LUZP2: variants seen among roughly 807,000 people sequenced by gnomAD.
LUZP2 encodes the protein leucine zipper protein 2.
LUZP2 carries 52 observed loss-of-function variants against 51.6 expected under a neutral mutation model. That is an observed-to-expected ratio of 1.01 (90% CI 0.81 to 1.27). The LOEUF is 1.27. Ranked by LOEUF, LUZP2 falls within the 50% of genes most tolerant of loss-of-function variation. LUZP2 has a pLI of 0.00. For synonymous variants in LUZP2, 154 were observed against 137.3 expected (o/e 1.12, Z -0.85); for missense variants, 436 against 395.4 (o/e 1.10, Z -0.87).
chr11:24,827,977 G>T lies in LUZP2; in HGVS notation c.396+64669G>T, dbSNP rs1052395624. 1.4e-3 allele frequency among the ~76,000 whole-genome samples: 206 copies of T among 152,014 alleles called. 1 individual carries two copies. The highest frequency in any genetic ancestry group is 4.8e-3 in the African/African-American group (201 of 41,474). On this transcript the variant is annotated intron_variant, in intron 5 of 11. Transcript: ENST00000336930. The stretch of plus-strand genomic sequence containing the variant: ...CCAAGCTGAATGACATTTAGAGTTT[G>T]CTGTAGGTCTGCAACTTACAGATTT...
chr11:24,783,752 TG>T (rs1476770459), intron 5 of LUZP2, among the ~76,000 whole-genome samples: 4 of 152,006 alleles, frequency 2.6e-5, no homozygotes, highest in Admixed American at 6.6e-5. Context: ...GTTATCACAC[TG>T]CAATGCATTT....
chr11:24,703,315 A>G (rs898137542), intron 1 of LUZP2, among the ~76,000 whole-genome samples: 2 of 152,148 alleles, frequency 1.3e-5, no homozygotes, highest in African/African-American at 4.8e-5. Context: ...CTGTGCATAT[A>G]TTATGGGTGG....
chr11:25,062,366 C>T (rs867730652), intron 10 of LUZP2, among the ~76,000 whole-genome samples: 25 of 151,076 alleles, frequency 1.7e-4, no homozygotes, highest in African/African-American at 5.8e-4. Context: ...AGGCAGATCA[C>T]TTGAGTTCAG....
chr11:24,603,575 G>A (rs1215945676), intron 1 of LUZP2, among the ~76,000 whole-genome samples: 1 of 146,532 alleles, frequency 6.8e-6, no homozygotes, highest in African/African-American at 2.4e-5. Flanking sequence ...TTATAAAATG[G>A]TACAGATATA....
At chr11:24,835,896 G>T (rs992815353) in intron 5 of LUZP2, among the ~76,000 whole-genome samples, 13 of 151,706 alleles carry the variant, frequency 8.6e-5, no homozygotes, top group Non-Finnish European at 1.6e-4. Context: ...TTTTCTGTTT[G>T]TCAAGCAGTT....
chr11:24,565,070 C>T (rs923092621), intron 1 of LUZP2, among the ~76,000 whole-genome samples: 2 of 152,074 alleles, frequency 1.3e-5, no homozygotes, highest in East Asian at 3.9e-4. Context: ...TGTGCTCTAT[C>T]CTTAGTGAAT....
intron 5 of LUZP2, among the ~76,000 whole-genome samples, chr11:24,829,086 TC>T (rs1850622627): frequency 6.6e-6 from 1 of 152,180 alleles, no homozygotes; most frequent in Non-Finnish European, 1.5e-5. Flanking sequence ...GAAGAAAAGC[TC>T]TGCTGCCAAC....
In LUZP2 at chr11:24,958,021, G is replaced by A. The variant is rs545490719; in HGVS notation, c.523-18570G>A. Among the ~76,000 whole-genome samples the A allele has an allele frequency of 1.7e-3, 254 of 152,170 alleles. 1 individual carries two copies. The highest frequency in any genetic ancestry group is 6.0e-3 in the African/African-American group (248 of 41,510). On this transcript the variant is annotated intron_variant, in intron 7 of 11. Coordinates refer to ENST00000336930, the MANE Select transcript of LUZP2 (RefSeq NM_001009909.4). ...GCGATGTTTGGTTTTTTGTTCTTGCGATAGTTTACTGAGAATGATGATTTC... is the reference window on the plus strand; with the variant it reads ...GCGATGTTTGGTTTTTTGTTCTTGCAATAGTTTACTGAGAATGATGATTTC...
chr11:24,992,032 G>A lies in LUZP2; in HGVS notation c.765+8739G>A, dbSNP rs937887525. Among the ~76,000 whole-genome samples, 8 of 152,094 alleles carry A rather than the reference G, an allele frequency of 5.3e-5. No homozygotes were observed. The South Asian group carries it at 8.3e-4, about 16-fold the overall frequency. On this transcript the variant is annotated intron_variant, in intron 9 of 11. Coordinates refer to ENST00000336930, the MANE Select transcript of LUZP2 (RefSeq NM_001009909.4). ...ACTTTGTGAGTTGTCTGTATACTCTGCTGACTGTTCCTTTTGTGGTGCAAA... is the reference window on the plus strand; with the variant it reads ...ACTTTGTGAGTTGTCTGTATACTCTACTGACTGTTCCTTTTGTGGTGCAAA...
chr11:24,685,397 CTCATCTCTTACCTCT>C (rs921463067), intron 1 of LUZP2, among the ~76,000 whole-genome samples: 15 of 152,088 alleles, frequency 9.9e-5, no homozygotes, highest in Admixed American at 6.6e-5. Context: ...ACTATCTCTT[CTCATCTCTTACCTCT>C]ACCCCACATA....
At chr11:24,921,532 T>C (rs979810937) in intron 7 of LUZP2, among the ~76,000 whole-genome samples, 1 of 152,190 alleles carries the variant, frequency 6.6e-6, no homozygotes, top group East Asian at 1.9e-4. Flanking sequence ...CGCCGGCATG[T>C]GCGTATTACA....
At chr11:24,901,588 G>A (rs781707183) in intron 5 of LUZP2, among the ~76,000 whole-genome samples, 1 of 152,076 alleles carries the variant, frequency 6.6e-6, no homozygotes, top group Non-Finnish European at 1.5e-5. Flanking sequence ...CTCTGAGTTC[G>A]CTCTTCAAAT....
At chr11:24,702,231 A>T (rs1243372244) in intron 1 of LUZP2, among the ~76,000 whole-genome samples, 1 of 152,222 alleles carries the variant, frequency 6.6e-6, no homozygotes, top group Non-Finnish European at 1.5e-5. Flanking sequence ...TTAACCAGGA[A>T]AATCACTGGA....
chr11:24,912,687 G>A (rs1455686940), intron 6 of LUZP2, among the ~76,000 whole-genome samples: 1 of 152,088 alleles, frequency 6.6e-6, no homozygotes, highest in Non-Finnish European at 1.5e-5. Flanking sequence ...GTGTGCGCCT[G>A]TAGTCCCAGC....
chr11:24,706,532 C>T (rs1424594741), intron 1 of LUZP2, among the ~76,000 whole-genome samples: 3 of 152,124 alleles, frequency 2.0e-5, no homozygotes, highest in African/African-American at 4.8e-5. Context: ...TCTTCCTGTG[C>T]GGCCTTCTCT....
chr11:24,895,568 G>T (rs1286209796), intron 5 of LUZP2, among the ~76,000 whole-genome samples: 1 of 152,086 alleles, frequency 6.6e-6, no homozygotes, highest in African/African-American at 2.4e-5. Flanking sequence ...GTATATCCAT[G>T]AGTACACAAT....
At chr11:24,551,932 C>G (rs1851736863) in intron 1 of LUZP2, among the ~76,000 whole-genome samples, 1 of 151,998 alleles carries the variant, frequency 6.6e-6, no homozygotes, top group Non-Finnish European at 1.5e-5. Flanking sequence ...CATACACACA[C>G]ACAAACAGAA....
chr11:24,919,913 T>C (rs1190660087), intron 7 of LUZP2, among the ~76,000 whole-genome samples: 1 of 151,696 alleles, frequency 6.6e-6, no homozygotes, highest in Non-Finnish European at 1.5e-5. Flanking sequence ...GATGTTTTAT[T>C]AAAGAAACAA....
intron 1 of LUZP2, among the ~76,000 whole-genome samples, chr11:24,516,055 A>C (rs1371952894): frequency 6.6e-6 from 1 of 152,110 alleles, no homozygotes; most frequent in Admixed American, 6.6e-5. Context: ...CGTCTTCCAC[A>C]TGACTAGTTA....
Sources: gnomAD v4.1 joint callset for allele counts (sites outside exome capture counted in the v4.1 genomes callset) on GRCh38, gnomAD v4.1.1 for gene constraint, MANE v1.5 for transcripts, NCBI Gene and HGNC (gene_info 2026-07-23, HGNC 2026-07-21) for gene names.